USP10: variants seen among roughly 807,000 people sequenced by gnomAD.
USP10 encodes the protein ubiquitin specific peptidase 10, also known as ubiquitin carboxyl-terminal hydrolase 10.
USP10 carries 22 observed loss-of-function variants against 84.5 expected under a neutral mutation model. That is an observed-to-expected ratio of 0.26 (90% CI 0.19 to 0.37). The LOEUF is 0.37. Among genes scored for constraint, USP10 ranks in the 10% least tolerant of loss-of-function variants. USP10 has a pLI of 1.00. For synonymous variants in USP10, 454 were observed against 387.6 expected, an observed-to-expected ratio of 1.17 and a Z score of -2.01; for missense variants, 1,019 against 998.9, an observed-to-expected ratio of 1.02 and a Z score of -0.27.
intron 1 of USP10, 68 bp from the exon 2 acceptor site, chr16:84,733,367 A>G: frequency 8.0e-7 from 1 of 1,251,578 alleles, no homozygotes; most frequent in Non-Finnish European, 1.1e-6. Flanking sequence ...TAAAATATGT[A>G]GCATTTTTTC....
At chr16:84,748,852 A>G (rs538524914) in intron 4 of USP10, among the ~76,000 whole-genome samples, 1 of 152,334 alleles carries the variant, frequency 6.6e-6, no homozygotes, top group South Asian at 2.1e-4. Flanking sequence ...GACTGGTAGT[A>G]GAGGAAAGCC....
chr16:84,712,310 T>C (rs1014368950), intron 1 of USP10, among the ~76,000 whole-genome samples: 6 of 152,162 alleles, frequency 3.9e-5, no homozygotes, highest in Non-Finnish European at 8.8e-5. Context: ...CTGGGGAGAC[T>C]GTGCCTTATG....
chr16:84,750,896 C>T (rs1452780315), intron 4 of USP10, among the ~76,000 whole-genome samples: 2 of 152,070 alleles, frequency 1.3e-5, no homozygotes, highest in African/African-American at 4.8e-5. Flanking sequence ...TTAGTCAAAA[C>T]CTGTTTATAT....
chr16:84,775,525 C>T (rs1243493679), intron 13 of USP10, among the ~76,000 whole-genome samples: 3 of 152,208 alleles, frequency 2.0e-5, no homozygotes, highest in African/African-American at 7.2e-5. Context: ...TGTGACCTCT[C>T]CCGGCTGTGC....
intron 2 of USP10, among the ~76,000 whole-genome samples, chr16:84,735,758 C>T (rs963234815): frequency 9.2e-5 from 14 of 152,162 alleles, no homozygotes; most frequent in Non-Finnish European, 1.9e-4. Flanking sequence ...CTTATTTGGG[C>T]TTTTCTGTTT....
intron 11 of USP10, among the ~76,000 whole-genome samples, chr16:84,769,102 A>T (rs1049875050): frequency 1.3e-5 from 2 of 152,158 alleles, no homozygotes; most frequent in African/African-American, 4.8e-5. Context: ...TGCACTGGGG[A>T]GATGAATGCA....
At chr16:84,727,908 A>C (rs994095770) in intron 1 of USP10, among the ~76,000 whole-genome samples, 2 of 152,214 alleles carry the variant, frequency 1.3e-5, no homozygotes, top group Non-Finnish European at 2.9e-5. Context: ...TAATTTTGGG[A>C]GTTGACCATA....
intron 1 of USP10, among the ~76,000 whole-genome samples, chr16:84,703,039 TA>T (rs916686204): frequency 2.7e-4 from 31 of 114,638 alleles, no homozygotes; most frequent in Non-Finnish European, 6.0e-5. Flanking sequence ...TCAAAATAAA[TA>T]AAAAAGTTTA....
chr16:84,748,967 G>A (rs962227027), intron 4 of USP10, among the ~76,000 whole-genome samples: 22 of 152,148 alleles, frequency 1.4e-4, no homozygotes, highest in African/African-American at 5.3e-4. Context: ...TTATGAAGAT[G>A]TTTTAATTTT....
intron 8 of USP10, among the ~76,000 whole-genome samples, chr16:84,761,741 C>A (rs936493236): frequency 6.6e-6 from 1 of 152,376 alleles, no homozygotes; most frequent in East Asian, 1.9e-4. Flanking sequence ...CTTGCGCAAA[C>A]GGTTTAGGCA....
At chr16:84,701,850 CT>C (rs1904899164) in intron 1 of USP10, among the ~76,000 whole-genome samples, 1 of 150,508 alleles carries the variant, frequency 6.6e-6, no homozygotes, top group African/African-American at 2.5e-5. Context: ...TGGGTTTATT[CT>C]TTTAAAGTAT....
chr16:84,725,725 C>T (rs1349970992), intron 1 of USP10, among the ~76,000 whole-genome samples: 1 of 152,092 alleles, frequency 6.6e-6, no homozygotes, highest in African/African-American at 2.4e-5. Flanking sequence ...ATTTTCAAAC[C>T]CGTGTTTCTT....
chr16:84,757,522 A>C (rs1456909036), intron 4 of USP10, among the ~76,000 whole-genome samples: 1 of 151,942 alleles, frequency 6.6e-6, no homozygotes, highest in Non-Finnish European at 1.5e-5. Flanking sequence ...GTAGTTTAGA[A>C]AAGAAAAGCT....
At chr16:84,725,630 C>T (rs1908364409) in intron 1 of USP10, among the ~76,000 whole-genome samples, 1 of 152,176 alleles carries the variant, frequency 6.6e-6, no homozygotes, top group African/African-American at 2.4e-5. Flanking sequence ...TCTCTGACTC[C>T]TGACCTCAGG....
intron 2 of USP10, among the ~76,000 whole-genome samples, chr16:84,737,622 G>T (rs1308901255): frequency 6.6e-6 from 1 of 152,210 alleles, no homozygotes; most frequent in East Asian, 1.9e-4. Context: ...CTTACTGAAG[G>T]TGGCAGTGTC....
chr16:84,709,367 C>G (rs1905973482), intron 1 of USP10: 1 of 152,322 alleles, frequency 6.6e-6, no homozygotes, highest in African/African-American at 2.4e-5. Flanking sequence ...GAGAACTCAG[C>G]AAGGAGTTGT....
At chr16:84,743,854 C>G (rs904737110) in intron 3 of USP10, among the ~76,000 whole-genome samples, 1 of 152,126 alleles carries the variant, frequency 6.6e-6, no homozygotes, top group African/African-American at 2.4e-5. Context: ...ACAATTCTAA[C>G]TTTTTCTTTT....
intron 11 of USP10, among the ~76,000 whole-genome samples, chr16:84,772,161 C>G (rs1267946922): frequency 2.0e-5 from 3 of 152,150 alleles, no homozygotes; most frequent in Non-Finnish European, 4.4e-5. Context: ...AAGGGATTCT[C>G]TTGCCTCTGC....
intron 1 of USP10, 46 bp downstream of exon 1, chr16:84,700,157 G>C: frequency 8.1e-7 from 1 of 1,231,414 alleles, no homozygotes; most frequent in Non-Finnish European, 1.0e-6. Context: ...CCGAGCCCCG[G>C]GCGGGCGGAC....
Sources: allele counts gnomAD v4.1 joint callset (sites outside exome capture counted in the v4.1 genomes callset), GRCh38; gene constraint gnomAD v4.1.1; transcripts MANE v1.5; gene names NCBI Gene and HGNC (gene_info 2026-07-23, HGNC 2026-07-21).